Variants in ABCA3 observed in about 807,000 individuals in gnomAD.
ABCA3 encodes phospholipid-transporting ATPase ABCA3.
Under a neutral mutation model 172.8 loss-of-function variants are expected in ABCA3, and 88 were observed. The ratio of observed to expected loss-of-function variants is 0.51; its 90% CI spans 0.43 to 0.61. ABCA3 has a LOEUF of 0.61. Among genes scored for constraint, ABCA3 ranks in the 20% least tolerant of loss-of-function variants. ABCA3 has a pLI of 0.00. For missense variants in ABCA3, 2,164 were observed against 2,301.0 expected (o/e 0.94, Z 1.22); for synonymous variants, 1,066 against 983.8 (o/e 1.08, Z -1.56).
chr16:2,287,690 T>A lies in ABCA3; in HGVS notation c.3004+336A>T, dbSNP rs1482898553. The stretch of plus-strand genomic sequence containing the variant: ...CTTGAAGTCACTATGCTTCTGCATT[T>A]TGCCCATGAATGATCCTGAAAGACA... On this transcript the variant is annotated intron_variant, in intron 21 of 32. Coordinates refer to ENST00000301732, the MANE Select transcript of ABCA3 (RefSeq NM_001089.3). The surrounding 1 kb of genome is among the most constrained non-coding windows in gnomAD (Gnocchi z 4.1). 6.6e-6 allele frequency among the ~76,000 whole-genome samples: 1 copy of A among 152,234 alleles called. No homozygotes were observed. Among genetic ancestry groups the A allele is most frequent in the Non-Finnish European group, 1.5e-5 (1 of 68,052 alleles).
In ABCA3 at chr16:2,317,297, G is replaced by A. The variant is rs759691078; in HGVS notation, c.1097C>T (p.Thr366Ile). 8.1e-6 allele frequency: 13 copies of A among 1,613,972 alleles called. No homozygotes were observed. The highest frequency in any genetic ancestry group is 1.0e-5 in the Non-Finnish European group (12 of 1,180,026). Reference sequence around the variant, plus strand: ...CTGGGGCTCACCTTTGCTGAAGAAGGTGCTGACCATGAAGCTGAAGGAGAT... The same window carrying A: ...CTGGGGCTCACCTTTGCTGAAGAAGATGCTGACCATGAAGCTGAAGGAGAT... ...STISFSFMVS[T>I]FFSKANMAAA... The change falls in exon 10 of 33, where the codon ACC (threonine) becomes ATC (isoleucine). Residue 366 changes from threonine (T) to isoleucine (I), a missense_variant. Thr to Ile is a moderately conservative substitution (Grantham distance 89). This residue lies in a region of ABCA3 where 1,343 missense variants were observed against 1,369.6 expected (regional missense o/e 0.98). Transcript: ENST00000301732.
chr16:2,307,886 T>A (rs1407432582), intron 11 of ABCA3, among the ~76,000 whole-genome samples: 1 of 152,004 alleles, frequency 6.6e-6, no homozygotes, highest in African/African-American at 2.4e-5. Flanking sequence ...ATTATAGGCG[T>A]GAGCCACCAC....
At position 2,278,249 on chromosome 16, in the gene ABCA3, G is replaced by C; in HGVS notation, c.4718+39C>G. The C allele has an allele frequency of 6.2e-7, 1 of 1,603,494 alleles. No individual in the cohort carries two copies. The highest frequency in any genetic ancestry group is 8.5e-7 in the Non-Finnish European group (1 of 1,179,922). On this transcript the variant is annotated intron_variant, in intron 30 of 32. Transcript: ENST00000301732. The surrounding 1 kb of genome is among the most constrained non-coding windows in gnomAD (Gnocchi z 4.4). ...ACCTGGCTCCTCCATGGCCCACCCGGTGCTGAAACTTCCAGTAACCCACAG... is the reference window on the plus strand; with the variant it reads ...ACCTGGCTCCTCCATGGCCCACCCGCTGCTGAAACTTCCAGTAACCCACAG...
intron 7 of ABCA3, among the ~76,000 whole-genome samples, chr16:2,320,397 CT>C (rs1246984872): frequency 1.7e-3 from 216 of 128,752 alleles, no homozygotes; most frequent in Non-Finnish European, 1.7e-3. Context: ...TGCACCCGGC[CT>C]TTTTTTTTTT....
chr16:2,307,126 A>G (rs1463181671), intron 11 of ABCA3, among the ~76,000 whole-genome samples: 3 of 152,064 alleles, frequency 2.0e-5, no homozygotes, highest in Non-Finnish European at 4.4e-5. Flanking sequence ...AAAAAACAAA[A>G]AAGAAAAGAA....
Position 2,277,913 on chromosome 16 carries a change from C to T in ABCA3, c.4875G>A (p.Glu1625=). Residue 1625 remains glutamate (E), a synonymous_variant, in exon 31 of 33, where the codon GAG becomes GAA. Transcript: ENST00000301732. The surrounding 1 kb of genome is among the most constrained non-coding windows in gnomAD (Gnocchi z 5.3). ...VQSEGQQEAL[E]EFKAFVDLTF... ...TCAGGTCCACGAAGGCCTTGAACTC[C>T]TCCAGCGCCTCCTGTTGCCCTTCAC... The T allele has an allele frequency of 6.2e-7, 1 of 1,610,670 alleles. No homozygotes were observed. Among genetic ancestry groups the T allele is most frequent in the South Asian group, 1.1e-5 (1 of 91,008 alleles).
intron 3 of ABCA3, among the ~76,000 whole-genome samples, chr16:2,327,022 A>G (rs1312076615): frequency 6.6e-6 from 1 of 152,216 alleles, no homozygotes; most frequent in South Asian, 2.1e-4. Flanking sequence ...CCCAAAGAGC[A>G]TAGTCTTTTT....
chr16:2,289,355 C>T (rs1378712330), intron 20 of ABCA3, 79 bp downstream of exon 20: 14 of 1,510,740 alleles, frequency 9.3e-6, no homozygotes, highest in Non-Finnish European at 1.2e-5. Flanking sequence ...CGCAGACTCT[C>T]CTCTGCATGG....
rs535081219 is a variant in ABCA3 at position 2,300,460 on chromosome 16, T to C, written c.1468-312A>G. 5.9e-5 allele frequency among the ~76,000 whole-genome samples: 9 copies of C among 152,170 alleles called. No homozygotes were observed. The East Asian group carries it at 1.2e-3, about 20-fold the overall frequency. ...TATGAAATTTCATAGACAGAAGTTATCTAACGCTCCAGTCCAGAGGGATGT... is the reference window on the plus strand; with the variant it reads ...TATGAAATTTCATAGACAGAAGTTACCTAACGCTCCAGTCCAGAGGGATGT... On this transcript the variant is annotated intron_variant, in intron 12 of 32. Coordinates refer to ENST00000301732, the MANE Select transcript of ABCA3 (RefSeq NM_001089.3).
chr16:2,292,192 C>T lies in ABCA3; in HGVS notation c.2461G>A (p.Gly821Ser). The change falls in exon 19 of 33, where the codon GGC (glycine) becomes AGC (serine). Residue 821 changes from glycine to serine, a missense_variant. By Grantham distance (56) the Gly-to-Ser change is moderately conservative. This residue lies in a region of ABCA3 where 1,343 missense variants were observed against 1,369.6 expected (regional missense o/e 0.98). Transcript: ENST00000301732. ...ATGGATGCCCCAAAGCTGGCAATGC[C>T]CAGCTCTTTCTGCTTCTTCTCCAGT... Reference protein sequence around the residue: ...AKLEKKQKELGIASFGASITT... With the variant: ...AKLEKKQKELSIASFGASITT... 6.2e-7 allele frequency: 1 copy of T among 1,614,044 alleles called. No homozygotes were observed. Among genetic ancestry groups the T allele is most frequent in the South Asian group, 1.1e-5 (1 of 91,078 alleles).
rs45447801 is a variant in ABCA3, at chr16:2,324,433, T to C, written c.418A>G (p.Asn140Asp). 1 of 1,605,490 alleles carries C rather than the reference T, an allele frequency of 6.2e-7. No individual in the cohort carries two copies. Among genetic ancestry groups the C allele is most frequent in the Middle Eastern group, 1.7e-4 (1 of 6,048 alleles). Residue 140 changes from asparagine to aspartate, a missense_variant, in exon 6 of 33, where the codon AAC becomes GAC. Transcript: ENST00000301732. ...AGCGGCAGGGGCTCCTTGCTGTGGT[T>C]GAAGGGGTGCTCGAAGACCACGGCG... ...LAAVVFEHPFNHSKEPLPLAV... is the reference protein window; with the variant it reads ...LAAVVFEHPFDHSKEPLPLAV...
intron 8 of ABCA3, 62 bp downstream of exon 8, chr16:2,319,519 G>T (rs1187821439): frequency 1.9e-6 from 3 of 1,581,428 alleles, no homozygotes; most frequent in Non-Finnish European, 2.6e-6. Context: ...CAAGCCTTTG[G>T]ACATGGCCTC....
intron 19 of ABCA3, 132 bp from the exon 20 acceptor site, chr16:2,289,752 T>G (rs2093668982): frequency 3.3e-6 from 3 of 922,988 alleles, no homozygotes; most frequent in Non-Finnish European, 4.9e-6. Context: ...TGCTTATGTG[T>G]TTCCTCACTC....
intron 3 of ABCA3, among the ~76,000 whole-genome samples, chr16:2,327,591 G>A (rs2093736376): frequency 6.6e-6 from 1 of 152,178 alleles, no homozygotes; most frequent in African/African-American, 2.4e-5. Flanking sequence ...AGCAGGCCCG[G>A]GTAGGCAGAC....
At chr16:2,309,046 C>A (rs951759732) in intron 10 of ABCA3, among the ~76,000 whole-genome samples, 1 of 152,056 alleles carries the variant, frequency 6.6e-6, no homozygotes, top group Non-Finnish European at 1.5e-5. Flanking sequence ...CCTGGGTTCA[C>A]GCCATTCTCC....
Position 2,286,698 on chromosome 16 carries a change from T to C in ABCA3, c.3274A>G (p.Asn1092Asp), listed in dbSNP as rs1412893192. 1 of 1,613,156 alleles carries C rather than the reference T, an allele frequency of 6.2e-7. No homozygotes were observed. Among genetic ancestry groups the C allele is most frequent in the South Asian group, 1.1e-5 (1 of 91,026 alleles). ...AGGGACGGGCAGTGCACATACTCGT[T>C]AAACTGGTCCTTGGCAGCCTGCAGG... Reference protein sequence around the residue: ...SALQAAKDQFNEGRKGFDIAL... With the variant: ...SALQAAKDQFDEGRKGFDIAL... Residue 1092 changes from asparagine (N) to aspartate (D), a missense_variant, in exon 22 of 33, where the codon AAC (asparagine) becomes GAC (aspartate). Transcript: ENST00000301732. This position sits in a 1 kb window ranked among gnomAD's most constrained non-coding sequence, Gnocchi z 5.2.
Position 2,283,455 on chromosome 16 carries a change from C to CT in ABCA3, c.3863-98_3863-97insA. 1.4e-6 allele frequency: 2 copies of CT among 1,411,774 alleles called. No homozygotes were observed. Among genetic ancestry groups the CT allele is most frequent in the Non-Finnish European group, 1.9e-6 (2 of 1,033,392 alleles). The allele number at this position is 1,411,774 out of a possible 1,614,324, so 87.5% of individuals were successfully genotyped here. A position where few individuals can be genotyped will look rare whatever the true frequency, so the allele number is the denominator to read the frequency against. On this transcript the variant is annotated intron_variant, in intron 25 of 32. Transcript: ENST00000301732. The surrounding 1 kb of genome is among the most constrained non-coding windows in gnomAD (Gnocchi z 5.4). Reference sequence around the variant, plus strand: ...ACTCCCCTCCCCAGGCTGCTCAAGGCGCCTGTAACAATGTCCCCTCCATGG... The same window carrying CT: ...ACTCCCCTCCCCAGGCTGCTCAAGGCTGCCTGTAACAATGTCCCCTCCATGG...
At chr16:2,338,123 G>GT (rs2093754781) in intron 1 of ABCA3, among the ~76,000 whole-genome samples, 1 of 152,148 alleles carries the variant, frequency 6.6e-6, no homozygotes, top group Non-Finnish European at 1.5e-5. Context: ...CCAGAGGGAG[G>GT]TAACCATGGA....
At position 2,284,110 on chromosome 16, in the gene ABCA3, A is replaced by T; in HGVS notation, c.3862+169T>A. On this transcript the variant is annotated intron_variant, in intron 25 of 32. Coordinates refer to ENST00000301732, the MANE Select transcript of ABCA3 (RefSeq NM_001089.3). The surrounding 1 kb of genome is among the most constrained non-coding windows in gnomAD (Gnocchi z 5.9). ...AGCTCAGGTACAGGGCCTGGGAGCG[A>T]GCGGGCGCGAGGGGGCTGCTGTGGG... is the stretch of plus-strand genomic sequence containing the variant. 1 of 769,092 alleles carries T rather than the reference A, an allele frequency of 1.3e-6. No homozygotes were observed. The highest frequency in any genetic ancestry group is 2.0e-6 in the Non-Finnish European group (1 of 495,086). 47.6% of individuals were successfully genotyped at this position (769,092 alleles called of 1,614,324 possible).
Sources: allele counts gnomAD v4.1 joint callset (sites outside exome capture counted in the v4.1 genomes callset), GRCh38; gene constraint gnomAD v4.1.1; regional missense constraint gnomAD v4.1.1; non-coding constraint Gnocchi (gnomAD v3.1); transcripts MANE v1.5; gene names NCBI Gene and HGNC (gene_info 2026-07-23, HGNC 2026-07-21).